Variants in WDR44 observed in about 807,000 individuals in gnomAD.
The protein encoded by WDR44 is WD repeat-containing protein 44.
WDR44 carries 9 observed loss-of-function variants against 65.7 expected under a neutral mutation model. The observed-to-expected ratio is 0.14, with a 90% CI of 0.08 to 0.24. WDR44 has a LOEUF of 0.24. Ranked by LOEUF, WDR44 falls within the 10% of genes least tolerant of loss-of-function variation. The probability of loss-of-function intolerance (pLI) is 1.00; values close to 1 mark genes in which losing one functional copy is unlikely to be tolerated. For missense variants in WDR44, 425 were observed against 670.9 expected (o/e 0.63, Z 4.05); for synonymous variants, 220 against 235.2 (o/e 0.94, Z 0.59).
chrX:118,444,797 A>G (rs2057332363), intron 19 of WDR44, among the ~76,000 whole-genome samples: 1 of 109,660 alleles, frequency 9.1e-6, no homozygotes, highest in African/African-American at 3.3e-5. Flanking sequence ...ATGGGATTTC[A>G]CCATGTTGCC....
chrX:118,438,795 A>ATGTTTTTT (rs200456117), intron 14 of WDR44, among the ~76,000 whole-genome samples: 5 of 62,555 alleles, frequency 8.0e-5, no homozygotes, highest in Admixed American at 4.4e-4. Flanking sequence ...CTGTTCAGCC[A>ATGTTTTTT]TGTTTTTTTT....
chrX:118,443,404 T>A (rs1220721405), intron 17 of WDR44, among the ~76,000 whole-genome samples, 156 bp from the exon 18 acceptor site: 2 of 111,847 alleles, frequency 1.8e-5, no homozygotes, highest in Non-Finnish European at 3.8e-5. Context: ...ACGTACACAT[T>A]TAGAACATCT....
intron 12 of WDR44, among the ~76,000 whole-genome samples, chrX:118,431,408 A>T (rs1347944316): frequency 8.9e-6 from 1 of 111,740 alleles, no homozygotes; most frequent in Non-Finnish European, 1.9e-5. Context: ...GGTTCAAGCG[A>T]TTCTCCTGCC....
chrX:118,376,406 C>T (rs924930975), intron 1 of WDR44, among the ~76,000 whole-genome samples: 6 of 111,374 alleles, frequency 5.4e-5, no homozygotes, highest in African/African-American at 2.0e-4. Flanking sequence ...TGGTTGTGCT[C>T]CAAAATACGA....
intron 1 of WDR44, among the ~76,000 whole-genome samples, chrX:118,352,032 A>G (rs1032033040): frequency 9.1e-6 from 1 of 109,587 alleles, no homozygotes; most frequent in Non-Finnish European, 1.9e-5. Flanking sequence ...TGGCATGGCA[A>G]TTTGGGGGCT....
chrX:118,435,640 TAC>T (rs1270283764), intron 13 of WDR44, among the ~76,000 whole-genome samples: 1 of 112,774 alleles, frequency 8.9e-6, no homozygotes, highest in African/African-American at 3.2e-5. Flanking sequence ...TAAGTTTTTA[TAC>T]AGTTGGTATT....
chrX:118,419,725 T>G (rs1024989617), intron 12 of WDR44, among the ~76,000 whole-genome samples: 7 of 112,142 alleles, frequency 6.2e-5, no homozygotes, highest in Non-Finnish European at 1.3e-4. Flanking sequence ...TCCCATTATG[T>G]TTAAAATGTT....
chrX:118,371,997 CTTT>C (rs754818345), intron 1 of WDR44, among the ~76,000 whole-genome samples: 1 of 93,097 alleles, frequency 1.1e-5, no homozygotes, highest in African/African-American at 3.9e-5. Context: ...TTTTTTATTT[CTTT>C]TTTTTTTTTT....
Position 118,394,068 on chromosome X carries a change from T to C in WDR44, c.840T>C (p.Asn280=). The change falls in exon 5 of 20, where the codon AAT becomes AAC. Residue 280 remains asparagine, a synonymous_variant. Coordinates refer to ENST00000254029, the MANE Select transcript of WDR44 (RefSeq NM_019045.5). ...TTATCATTGCAGTTCCCAAAGAGAA[T>C]ATTACGTCTGATTCTCTCCTAACCG... ...KTPDIDVPKE[N]ITSDSLLTAS... 8.3e-7 allele frequency: 1 copy of C among 1,209,446 alleles called. No individual in the cohort carries two copies. The highest frequency in any genetic ancestry group is 1.1e-6 in the Non-Finnish European group (1 of 893,634).
At chrX:118,394,752 A>G (rs1352589672) in intron 5 of WDR44, among the ~76,000 whole-genome samples, 1 of 111,448 alleles carries the variant, frequency 9.0e-6, no homozygotes, top group Non-Finnish European at 1.9e-5. Flanking sequence ...GTCTTGTTAT[A>G]GCCTTAGAGC....
rs199578097 is a variant in WDR44, at chrX:118,442,353, A to G, written c.2268+8A>G. The G allele has an allele frequency of 7.6e-5, 88 of 1,164,095 alleles. No individual in the cohort carries two copies. Among genetic ancestry groups the G allele is most frequent in the Non-Finnish European group, 9.8e-5 (84 of 854,333 alleles). ...TTACCTGGAGAAAATAAGGTACTAC[A>G]GTATTCAAAACCATCTCTCTCCATA... On this transcript the variant is annotated splice_region_variant and intron_variant, in intron 16 of 19. Coordinates refer to ENST00000254029, the MANE Select transcript of WDR44 (RefSeq NM_019045.5).
At chrX:118,387,550 C>A in intron 3 of WDR44, 136 bp downstream of exon 3, 1 of 354,451 alleles carries the variant, frequency 2.8e-6, no homozygotes, top group Non-Finnish European at 4.7e-6. Context: ...ATGAATCTGT[C>A]ACATTTGTGG....
In WDR44 at chrX:118,407,042, A is replaced by G. The variant is rs2056973248; in HGVS notation, c.1533+16A>G. ...TGAACATATGGTAAGCAACTTTTTC[A>G]TTTTTTAGGATTGATACTGTTTTTG... On this transcript the variant is annotated intron_variant, in intron 10 of 19. Transcript: ENST00000254029. 2 of 1,188,152 alleles carry G rather than the reference A, an allele frequency of 1.7e-6. No individual in the cohort carries two copies. The highest frequency in any genetic ancestry group is 2.3e-6 in the Non-Finnish European group (2 of 882,510).
intron 7 of WDR44, among the ~76,000 whole-genome samples, chrX:118,397,877 A>G (rs1287393295): frequency 8.9e-6 from 1 of 112,168 alleles, no homozygotes; most frequent in African/African-American, 3.2e-5. Context: ...TGTACATTGA[A>G]CCTTGCTTAA....
chrX:118,366,950 G>A (rs112454431), intron 1 of WDR44, among the ~76,000 whole-genome samples: 1,169 of 111,237 alleles, frequency 0.011, 17 homozygotes, highest in African/African-American at 0.036. Context: ...GCTGGGCGCA[G>A]TGGCGGGCGC....
chrX:118,388,470 A>G (rs1273639341), intron 3 of WDR44, among the ~76,000 whole-genome samples: 1 of 110,816 alleles, frequency 9.0e-6, no homozygotes, highest in African/African-American at 3.3e-5. Flanking sequence ...TTATAGAGAC[A>G]AGGTTTTGCC....
intron 19 of WDR44, 98 bp downstream of exon 19, chrX:118,444,592 A>ATTTCTTT (rs72451285): frequency 3.0e-6 from 3 of 996,099 alleles, no homozygotes; most frequent in Non-Finnish European, 4.1e-6. Context: ...TATAAAGAAT[A>ATTTCTTT]TTTCTTTTTT....
chrX:118,442,532 A>T, intron 16 of WDR44, 33 bp from the exon 17 acceptor site: 1 of 1,163,240 alleles, frequency 8.6e-7, no homozygotes, highest in Admixed American at 2.2e-5. Context: ...CTAAAAGATG[A>T]TATTTTTAAC....
chrX:118,356,267 CA>C (rs2056458135), intron 1 of WDR44, among the ~76,000 whole-genome samples: 1 of 111,817 alleles, frequency 8.9e-6, no homozygotes, highest in African/African-American at 3.3e-5. Context: ...GCTGGAATCC[CA>C]GACACTGTTC....
Sources: gnomAD v4.1 joint callset for allele counts (sites outside exome capture counted in the v4.1 genomes callset) on GRCh38, gnomAD v4.1.1 for gene constraint, MANE v1.5 for transcripts, NCBI Gene and HGNC (gene_info 2026-07-23, HGNC 2026-07-21) for gene names.